Variants in MALRD1 observed in about 807,000 individuals in gnomAD.
MALRD1 encodes the protein MAM and LDL receptor class A domain containing 1, also known as MAM and LDL-receptor class A domain-containing protein 1.
Under a neutral mutation model 242.1 loss-of-function variants are expected in MALRD1, and 247 were observed. That is an observed-to-expected ratio of 1.02 (90% CI 0.92 to 1.13). MALRD1 has a LOEUF of 1.13. MALRD1 is among the 50% of genes most tolerant of loss of function. The pLI is 0.00. For synonymous variants in MALRD1, 995 were observed against 866.6 expected, an observed-to-expected ratio of 1.15 and a Z score of -2.60; for missense variants, 2,989 against 2,533.1, an observed-to-expected ratio of 1.18 and a Z score of -3.86.
chr10:19,192,311 A>C (rs11008868), intron 14 of MALRD1, among the ~76,000 whole-genome samples: 14,020 of 152,254 alleles, frequency 0.092, 743 homozygotes, highest in East Asian at 0.18. Context: ...TAAGTTGTGC[A>C]CTTAAAATGG....
rs1843533028 is a variant in MALRD1 at position 19,334,871 on chromosome 10, T to G, written c.3901+3289T>G. ...GCTTTTGAATTTTATTTGTAATGTT[T>G]CCAGTGTATCTCTTTCCTAGAGATA... On this transcript the variant is annotated intron_variant, in intron 24 of 39. Coordinates refer to ENST00000454679, the MANE Select transcript of MALRD1 (RefSeq NM_001142308.3). Among the ~76,000 whole-genome samples, 4 of 152,112 alleles carry G rather than the reference T, an allele frequency of 2.6e-5. No individual in the cohort carries two copies. In the South Asian group the frequency reaches 8.3e-4, roughly 31 times the overall value.
At chr10:19,142,029 G>A (rs552555490) in intron 10 of MALRD1, among the ~76,000 whole-genome samples, 2 of 151,856 alleles carry the variant, frequency 1.3e-5, no homozygotes, top group African/African-American at 4.8e-5. Flanking sequence ...AAAATTAGCC[G>A]GGCGTTGTGG....
At chr10:19,263,959 G>T (rs1477007210) in intron 19 of MALRD1, among the ~76,000 whole-genome samples, 8 of 152,140 alleles carry the variant, frequency 5.3e-5, no homozygotes, top group African/African-American at 1.4e-4. Context: ...TAGAGACAAA[G>T]ATTTGAGGAT....
At chr10:19,487,953 G>T (rs1323905518) in intron 29 of MALRD1, among the ~76,000 whole-genome samples, 1 of 152,118 alleles carries the variant, frequency 6.6e-6, no homozygotes, top group Non-Finnish European at 1.5e-5. Context: ...AGTCAAGTCT[G>T]TAGAGTTGTG....
At chr10:19,691,871 A>G (rs1452097538) in intron 36 of MALRD1, among the ~76,000 whole-genome samples, 1 of 152,124 alleles carries the variant, frequency 6.6e-6, no homozygotes, top group Non-Finnish European at 1.5e-5. Context: ...TGGTAATGTA[A>G]AATTTGAATC....
chr10:19,104,279 G>T (rs1836385505), intron 5 of MALRD1, among the ~76,000 whole-genome samples: 1 of 152,150 alleles, frequency 6.6e-6, no homozygotes, highest in Admixed American at 6.5e-5. Flanking sequence ...ATGCTGTAAA[G>T]AACTGAATGG....
intron 21 of MALRD1, among the ~76,000 whole-genome samples, chr10:19,318,416 A>T (rs1193740036): frequency 6.6e-6 from 1 of 151,514 alleles, no homozygotes; most frequent in Non-Finnish European, 1.5e-5. Flanking sequence ...GATATATAAT[A>T]TTAGAGAATT....
intron 36 of MALRD1, among the ~76,000 whole-genome samples, chr10:19,689,315 C>G (rs1281121279): frequency 6.6e-6 from 1 of 151,928 alleles, no homozygotes; most frequent in Non-Finnish European, 1.5e-5. Flanking sequence ...TTAGTTACCT[C>G]GGGAGGATAG....
At chr10:19,467,320 AC>A (rs1350416989) in intron 29 of MALRD1, among the ~76,000 whole-genome samples, 1 of 132,770 alleles carries the variant, frequency 7.5e-6, no homozygotes, top group Admixed American at 9.0e-5. Context: ...GCGCCACTGC[AC>A]TCCAGCCTGG....
intron 19 of MALRD1, among the ~76,000 whole-genome samples, chr10:19,259,125 G>A (rs1373716406): frequency 2.0e-5 from 3 of 152,040 alleles, no homozygotes; most frequent in African/African-American, 7.2e-5. Flanking sequence ...CTTAGATAAG[G>A]TTAGGTCATT....
At chr10:19,723,849 G>C (rs1834889241) in intron 38 of MALRD1, among the ~76,000 whole-genome samples, 1 of 151,970 alleles carries the variant, frequency 6.6e-6, no homozygotes, top group South Asian at 2.1e-4. Context: ...ACTCCCGTGA[G>C]ATAGTAGTAG....
At chr10:19,232,161 G>T (rs940929825) in intron 18 of MALRD1, among the ~76,000 whole-genome samples, 1 of 151,834 alleles carries the variant, frequency 6.6e-6, no homozygotes, top group Non-Finnish European at 1.5e-5. Context: ...AGTAGAAGCA[G>T]GTTGTTAAGA....
At chr10:19,193,561 C>T (rs965154309) in intron 14 of MALRD1, among the ~76,000 whole-genome samples, 75 of 152,004 alleles carry the variant, frequency 4.9e-4, no homozygotes, top group African/African-American at 1.7e-3. Context: ...CTCAAAAAAA[C>T]AAAGAAAAGA....
At chr10:19,667,870 TC>T (rs1841744815) in intron 36 of MALRD1, among the ~76,000 whole-genome samples, 2 of 152,208 alleles carry the variant, frequency 1.3e-5, no homozygotes, top group South Asian at 4.2e-4. Context: ...CAACACAAAT[TC>T]TTTTTTCATG....
chr10:19,675,357 A>G (rs1295198210), intron 36 of MALRD1, among the ~76,000 whole-genome samples: 1 of 152,180 alleles, frequency 6.6e-6, no homozygotes, highest in Non-Finnish European at 1.5e-5. Context: ...AGAGGCCGTG[A>G]ATTTACTACT....
chr10:19,133,539 C>T (rs1833195948), intron 8 of MALRD1, among the ~76,000 whole-genome samples: 1 of 152,044 alleles, frequency 6.6e-6, no homozygotes, highest in African/African-American at 2.4e-5. Flanking sequence ...ATTTTAATTG[C>T]TGATCTTATT....
chr10:19,173,970 G>GA (rs1003124430), intron 13 of MALRD1, among the ~76,000 whole-genome samples: 4 of 151,664 alleles, frequency 2.6e-5, no homozygotes, highest in Non-Finnish European at 5.9e-5. Context: ...AGGTTAAAAA[G>GA]AAAAAAAATA....
intron 21 of MALRD1, among the ~76,000 whole-genome samples, chr10:19,289,844 G>C (rs1422209381): frequency 2.6e-5 from 4 of 152,070 alleles, no homozygotes; most frequent in African/African-American, 4.8e-5. Flanking sequence ...CTCAAGATTA[G>C]TTTTAAAAAT....
chr10:19,498,281 TAATG>T (rs1327307568), intron 30 of MALRD1, among the ~76,000 whole-genome samples, 200 bp from the exon 31 acceptor site: 11 of 152,220 alleles, frequency 7.2e-5, no homozygotes, highest in Non-Finnish European at 1.2e-4. Flanking sequence ...TATAACTCCT[TAATG>T]AATAAGTGAC....
Sources: gnomAD v4.1 joint callset for allele counts (sites outside exome capture counted in the v4.1 genomes callset) on GRCh38, gnomAD v4.1.1 for gene constraint, MANE v1.5 for transcripts, NCBI Gene and HGNC (gene_info 2026-07-23, HGNC 2026-07-21) for gene names.